Variants in LRRC8B observed in about 807,000 individuals in gnomAD.
LRRC8B encodes the protein volume-regulated anion channel subunit LRRC8B.
In LRRC8B, 23 loss-of-function variants were observed where a neutral mutation model predicts 58.8. The observed-to-expected ratio is 0.39, with a 90% confidence interval of 0.28 to 0.55. The LOEUF is 0.55. LRRC8B is among the 20% of genes least tolerant of loss of function. The probability of loss-of-function intolerance (pLI) is 0.62; values close to 1 mark genes in which losing one functional copy is unlikely to be tolerated. For missense variants in LRRC8B, 694 were observed against 936.0 expected (o/e 0.74, Z 3.37); for synonymous variants, 359 against 374.1 (o/e 0.96, Z 0.47).
chr1:89,562,233 T>C (rs1267326622), intron 1 of LRRC8B, among the ~76,000 whole-genome samples: 5 of 151,820 alleles, frequency 3.3e-5, no homozygotes, highest in African/African-American at 1.2e-4. Context: ...TTTCCTTTTC[T>C]TCCCTGCCTT....
chr1:89,555,377 G>C (rs1048189870), intron 1 of LRRC8B, among the ~76,000 whole-genome samples: 41 of 152,216 alleles, frequency 2.7e-4, no homozygotes, highest in South Asian at 1.0e-3. Flanking sequence ...GTAGAATTTG[G>C]GATGTAAATT....
rs144423775 is a variant in LRRC8B, at chr1:89,592,877, A to G, written c.2246A>G (p.Asn749Ser). The stretch of plus-strand genomic sequence containing the variant: ...TCCCCTCATGTGGGTGAGCTGTCAA[A>G]CCTTACTCATCTGGAGCTCATTGGT... ...NLSPHVGELS[N>S]LTHLELIGNY... The change falls in exon 6 of 6, where the codon AAC becomes AGC. Residue 749 changes from asparagine to serine, a missense_variant. Around this residue, in one of 5 missense-constraint regions of LRRC8B, gnomAD observed 139 missense variants for 158.2 expected, o/e 0.88. Coordinates refer to ENST00000330947, the MANE Select transcript of LRRC8B (RefSeq NM_001369817.2). The G allele has an allele frequency of 6.2e-7, 1 of 1,614,068 alleles. No individual in the cohort carries two copies. The highest frequency in any genetic ancestry group is 8.5e-7 in the Non-Finnish European group (1 of 1,179,994).
intron 5 of LRRC8B, among the ~76,000 whole-genome samples, chr1:89,592,292 AAG>A (rs1226085921): frequency 6.6e-6 from 1 of 152,184 alleles, no homozygotes; most frequent in African/African-American, 2.4e-5. Flanking sequence ...TTTTTTAAAA[AAG>A]AGAATAAGGT....
At chr1:89,555,409 T>C (rs1652111523) in intron 1 of LRRC8B, among the ~76,000 whole-genome samples, 2 of 152,148 alleles carry the variant, frequency 1.3e-5, no homozygotes, top group African/African-American at 2.4e-5. Context: ...GGTATGAAGA[T>C]TGTAAGATAT....
chr1:89,563,784 AG>A (rs1652851618), intron 1 of LRRC8B, among the ~76,000 whole-genome samples: 1 of 152,210 alleles, frequency 6.6e-6, no homozygotes, highest in African/African-American at 2.4e-5. Context: ...CAACTCCATT[AG>A]GTTGAAACCA....
chr1:89,546,360 T>G (rs1651403972), intron 1 of LRRC8B, among the ~76,000 whole-genome samples: 1 of 152,224 alleles, frequency 6.6e-6, no homozygotes, highest in African/African-American at 2.4e-5. Context: ...CTTTACCATC[T>G]GCTTCAGGAG....
intron 1 of LRRC8B, among the ~76,000 whole-genome samples, chr1:89,560,855 A>G (rs1310771952): frequency 6.6e-6 from 1 of 152,062 alleles, no homozygotes; most frequent in Non-Finnish European, 1.5e-5. Context: ...ATACGTGTGC[A>G]TGTGTCTTTA....
At chr1:89,569,854 T>C (rs2101005226) in intron 3 of LRRC8B, among the ~76,000 whole-genome samples, 1 of 152,220 alleles carries the variant, frequency 6.6e-6, no homozygotes, top group African/African-American at 2.4e-5. Context: ...TGGTCCTCTT[T>C]CTTCTCCCAC....
intron 1 of LRRC8B, among the ~76,000 whole-genome samples, chr1:89,551,184 G>A (rs777014760): frequency 1.3e-4 from 19 of 151,898 alleles, no homozygotes; most frequent in African/African-American, 4.6e-4. Context: ...TATCCCTAAC[G>A]GCTCAGAGAT....
intron 1 of LRRC8B, among the ~76,000 whole-genome samples, chr1:89,536,740 TG>T (rs1650568267): frequency 6.6e-6 from 1 of 152,182 alleles, no homozygotes; most frequent in African/African-American, 2.4e-5. Flanking sequence ...ACAGCATTTC[TG>T]GGGTGGGCAC....
At chr1:89,534,028 A>G (rs914619672) in intron 1 of LRRC8B, among the ~76,000 whole-genome samples, 2 of 152,232 alleles carry the variant, frequency 1.3e-5, no homozygotes, top group African/African-American at 2.4e-5. Flanking sequence ...GATGCTTGAA[A>G]TGGCTTTTGT....
chr1:89,562,458 A>G (rs1270755782), intron 1 of LRRC8B, among the ~76,000 whole-genome samples: 1 of 151,866 alleles, frequency 6.6e-6, no homozygotes, highest in Non-Finnish European at 1.5e-5. Context: ...TTAACTTCAT[A>G]TATTGCTATT....
intron 1 of LRRC8B, among the ~76,000 whole-genome samples, chr1:89,531,939 C>T (rs949074778): frequency 2.6e-4 from 40 of 152,100 alleles, no homozygotes; most frequent in African/African-American, 9.4e-4. Context: ...AGTCTTTCAC[C>T]CTCCCTTTTC....
At chr1:89,571,503 G>A (rs1653473476) in intron 3 of LRRC8B, among the ~76,000 whole-genome samples, 1 of 152,192 alleles carries the variant, frequency 6.6e-6, no homozygotes, top group African/African-American at 2.4e-5. Flanking sequence ...CAACGTGACT[G>A]TTGTTGGTGT....
rs376074470 is a variant in LRRC8B, at chr1:89,571,170, C to A, written c.-125+2677C>A. The stretch of plus-strand genomic sequence containing the variant: ...GATGCCTCCAGCTTTGTTCCTTTTG[C>A]TTAGCATTGCCTTGGCTGTGCAGGT... On this transcript the variant is annotated intron_variant, in intron 3 of 5. Transcript: ENST00000330947. 7.5e-4 allele frequency among the ~76,000 whole-genome samples: 114 copies of A among 152,238 alleles called. No individual in the cohort carries two copies. In the South Asian group the frequency reaches 0.02, roughly 27 times the overall value.
chr1:89,582,765 G>T lies in LRRC8B; in HGVS notation c.115G>T (p.Ala39Ser). 6.2e-7 allele frequency: 1 copy of T among 1,614,156 alleles called. No homozygotes were observed. Among genetic ancestry groups the T allele is most frequent in the Non-Finnish European group, 8.5e-7 (1 of 1,180,026 alleles). ...CATCACACTGATCATGCTGCTGGTG[G>T]CCGTGCTGGCCGGAGCTCTCCAGCT... Reference protein sequence around the residue: ...YYITLIMLLVAVLAGALQLTQ... With the variant: ...YYITLIMLLVSVLAGALQLTQ... The change falls in exon 5 of 6, where the codon GCC becomes TCC. Residue 39 changes from alanine to serine, a missense_variant. Ala to Ser is a moderately conservative substitution (Grantham distance 99). Around this residue, in one of 5 missense-constraint regions of LRRC8B, gnomAD observed 316 missense variants for 403.8 expected, o/e 0.78. Coordinates refer to ENST00000330947, the MANE Select transcript of LRRC8B (RefSeq NM_001369817.2).
chr1:89,574,601 C>T (rs959220466), intron 3 of LRRC8B, among the ~76,000 whole-genome samples: 1 of 152,090 alleles, frequency 6.6e-6, no homozygotes, highest in Non-Finnish European at 1.5e-5. Flanking sequence ...TTTTAACTCC[C>T]CTTTTTTTTT....
chr1:89,528,044 G>A (rs1252996289), intron 1 of LRRC8B, among the ~76,000 whole-genome samples: 1 of 151,928 alleles, frequency 6.6e-6, no homozygotes, highest in African/African-American at 2.4e-5. Flanking sequence ...TTTTGATATG[G>A]GTCATGTGAT....
chr1:89,549,646 A>G (rs1353609308), intron 1 of LRRC8B, among the ~76,000 whole-genome samples: 1 of 152,178 alleles, frequency 6.6e-6, no homozygotes, highest in Non-Finnish European at 1.5e-5. Flanking sequence ...GCGGATTTGC[A>G]TATGTGGGTG....
Sources: allele counts gnomAD v4.1 joint callset (sites outside exome capture counted in the v4.1 genomes callset), GRCh38; gene constraint gnomAD v4.1.1; regional missense constraint gnomAD v4.1.1; transcripts MANE v1.5; gene names NCBI Gene and HGNC (gene_info 2026-07-23, HGNC 2026-07-21).